The following SGCZ variants were observed in gnomAD, a reference collection of about 807,000 sequenced individuals.
The protein encoded by SGCZ is zeta-sarcoglycan.
A neutral mutation model predicts 41.3 loss-of-function variants in SGCZ; 40 were observed. That is an observed-to-expected ratio of 0.97 (90% CI 0.75 to 1.26). The LOEUF (loss-of-function observed/expected upper bound fraction) is 1.26. Ranked by LOEUF, SGCZ falls within the 50% of genes most tolerant of loss-of-function variation. The pLI, the probability that SGCZ is intolerant of heterozygous loss-of-function variation, is 0.00. For missense variants in SGCZ, 552 were observed against 369.8 expected (o/e 1.49, Z -4.04); for synonymous variants, 206 against 137.5 (o/e 1.50, Z -3.49).
intron 1 of SGCZ, among the ~76,000 whole-genome samples, chr8:14,905,210 C>A (rs967278931): frequency 6.6e-6 from 1 of 151,910 alleles, no homozygotes. Context: ...ATATAACAAA[C>A]ACTTCCTTAA....
At chr8:15,154,941 T>C (rs148020432) in intron 1 of SGCZ, among the ~76,000 whole-genome samples, 2 of 152,092 alleles carry the variant, frequency 1.3e-5, no homozygotes, top group African/African-American at 2.4e-5. Context: ...AACAACAATA[T>C]ATTGTATAAT....
chr8:14,717,310 G>C, intron 1 of SGCZ, among the ~76,000 whole-genome samples: 1 of 152,022 alleles, frequency 6.6e-6, no homozygotes, highest in East Asian at 1.9e-4. Context: ...CCTGTGTTAA[G>C]GTACAATACC....
rs1176101909 is a variant in SGCZ at position 14,948,483 on chromosome 8, AG to A, written c.39+289101del. 4.8e-3 allele frequency among the ~76,000 whole-genome samples: 731 copies of A among 152,164 alleles called. 12 individuals are homozygous for A. Among genetic ancestry groups the A allele is most frequent in the African/African-American group, 0.017 (707 of 41,554 alleles). ...CTGTCTTATCTTATGAGAGAGAGAGAGAGAGAGAGGTCTCCGCTAGATCAAA... is the reference window on the plus strand; with the variant it reads ...CTGTCTTATCTTATGAGAGAGAGAGAAGAGAGAGGTCTCCGCTAGATCAAA... On this transcript the variant is annotated intron_variant, in intron 1 of 7. Coordinates refer to ENST00000382080, the MANE Select transcript of SGCZ (RefSeq NM_139167.4).
At chr8:14,635,735 C>T (rs1806805860) in intron 1 of SGCZ, among the ~76,000 whole-genome samples, 1 of 151,642 alleles carries the variant, frequency 6.6e-6, no homozygotes, top group Non-Finnish European at 1.5e-5. Flanking sequence ...GCAATGGGTT[C>T]AGTACTATCT....
At position 14,832,277 on chromosome 8, in the gene SGCZ, G is replaced by C. The variant is rs192708293; in HGVS notation, c.40-277351C>G. Among the ~76,000 whole-genome samples, 4 of 152,142 alleles carry C rather than the reference G, an allele frequency of 2.6e-5. No homozygotes were observed. The East Asian group carries it at 7.7e-4, about 29-fold the overall frequency. On this transcript the variant is annotated intron_variant, in intron 1 of 7. Coordinates refer to ENST00000382080, the MANE Select transcript of SGCZ (RefSeq NM_139167.4). ...TAACTATCAATAAAGCTATTATGTG[G>C]TTGACCATGAACTTTAAATATATTG...
Position 14,954,617 on chromosome 8 carries a change from G to C in SGCZ, c.39+282968C>G, listed in dbSNP as rs565471153. On this transcript the variant is annotated intron_variant, in intron 1 of 7. Coordinates refer to ENST00000382080, the MANE Select transcript of SGCZ (RefSeq NM_139167.4). ...TTGATGGAGCAAGGGACCCAAAGAA[G>C]AGGTAAGGGGCAATGGGCAGCTTCC... 5.3e-5 allele frequency among the ~76,000 whole-genome samples: 8 copies of C among 152,230 alleles called. No homozygotes were observed. The South Asian group carries it at 1.0e-3, about 20-fold the overall frequency.
At chr8:15,186,648 G>C (rs1388966803) in intron 1 of SGCZ, among the ~76,000 whole-genome samples, 3 of 152,120 alleles carry the variant, frequency 2.0e-5, no homozygotes. Flanking sequence ...GAAACATTCT[G>C]TACTTCACAA....
At chr8:14,479,822 T>A (rs1801482978) in intron 2 of SGCZ, among the ~76,000 whole-genome samples, 1 of 147,836 alleles carries the variant, frequency 6.8e-6, no homozygotes, top group Non-Finnish European at 1.5e-5. Flanking sequence ...CTCGGCTCAC[T>A]GCAACCTCCG....
At chr8:14,499,170 A>G (rs1244680914) in intron 2 of SGCZ, among the ~76,000 whole-genome samples, 1 of 151,976 alleles carries the variant, frequency 6.6e-6, no homozygotes, top group Non-Finnish European at 1.5e-5. Context: ...AAATCTAATT[A>G]TAGCCATGGA....
At chr8:14,207,824 A>G (rs1205094305) in intron 4 of SGCZ, among the ~76,000 whole-genome samples, 3 of 152,192 alleles carry the variant, frequency 2.0e-5, no homozygotes, top group African/African-American at 4.8e-5. Flanking sequence ...AGCAAAGCTC[A>G]TATCATTTTG....
chr8:14,349,568 C>A (rs147758294), intron 2 of SGCZ, among the ~76,000 whole-genome samples: 1 of 152,024 alleles, frequency 6.6e-6, no homozygotes, highest in Non-Finnish European at 1.5e-5. Context: ...CCATCTCCAA[C>A]ATTGGGGGTA....
intron 3 of SGCZ, among the ~76,000 whole-genome samples, chr8:14,298,272 T>G (rs1260454684): frequency 6.6e-6 from 1 of 152,002 alleles, no homozygotes; most frequent in African/African-American, 2.4e-5. Context: ...TAGAAAAGAC[T>G]AAAATTTCCT....
At position 14,442,963 on chromosome 8, in the gene SGCZ, C is replaced by G. The variant is rs1800316151; in HGVS notation, c.234+111769G>C. Among the ~76,000 whole-genome samples the G allele has an allele frequency of 2.6e-5, 4 of 152,122 alleles. 1 individual carries two copies. The highest frequency in any genetic ancestry group is 2.6e-4 in the Admixed American group (4 of 15,260). ...AGCTGATAAGCAACTTCAGCAAAGT[C>G]TCAGGATACAAAATCAATGTACAAA... On this transcript the variant is annotated intron_variant, in intron 2 of 7. Transcript: ENST00000382080.
In SGCZ at chr8:14,240,346, A is replaced by G. The variant is rs895213706; in HGVS notation, c.337-2667T>C. Among the ~76,000 whole-genome samples, 32 of 148,820 alleles carry G rather than the reference A, an allele frequency of 2.2e-4. 1 individual carries two copies. Among genetic ancestry groups the G allele is most frequent in the Non-Finnish European group, 4.3e-4 (29 of 67,580 alleles). On this transcript the variant is annotated intron_variant, in intron 3 of 7. Coordinates refer to ENST00000382080, the MANE Select transcript of SGCZ (RefSeq NM_139167.4). ...CTGTGTCAAAAAAAAAAAAAAAAAA[A>G]AAAAAAAAAGAACTGAAAGTTTAAA...
chr8:14,785,846 T>C (rs1158275619), intron 1 of SGCZ, among the ~76,000 whole-genome samples: 1 of 151,994 alleles, frequency 6.6e-6, no homozygotes, highest in Non-Finnish European at 1.5e-5. Context: ...TTTCACAGAG[T>C]TTCTTACTTT....
At chr8:14,566,884 G>T (rs952735548) in intron 1 of SGCZ, among the ~76,000 whole-genome samples, 3 of 152,204 alleles carry the variant, frequency 2.0e-5, no homozygotes, top group Non-Finnish European at 4.4e-5. Flanking sequence ...CGAGTTCCAG[G>T]TGGGCGGCTG....
chr8:14,511,281 A>G (rs1802461106), intron 2 of SGCZ, among the ~76,000 whole-genome samples: 2 of 152,056 alleles, frequency 1.3e-5, no homozygotes, highest in Non-Finnish European at 1.5e-5. Context: ...ATTTAATAAT[A>G]AAAATTGTCT....
intron 1 of SGCZ, among the ~76,000 whole-genome samples, chr8:15,037,354 G>C (rs915176615): frequency 1.2e-4 from 19 of 152,144 alleles, no homozygotes; most frequent in African/African-American, 4.6e-4. Context: ...GGATACATTT[G>C]CTTCCCCTTC....
In SGCZ at chr8:14,087,578, T is replaced by A. The variant is rs73213890; in HGVS notation, c.*2865A>T. Among the ~76,000 whole-genome samples, 12,141 of 151,700 alleles carry A rather than the reference T, an allele frequency of 0.08. 557 individuals are homozygous for A. The highest frequency in any genetic ancestry group is 0.09 in the African/African-American group (3,716 of 41,442). On this transcript the variant is annotated 3_prime_UTR_variant, in exon 8 of 8. Transcript: ENST00000382080. Reference sequence around the variant, plus strand: ...TGTAGTACACTATAAAGGACTCATTTTTCTCAGTGTCATTTGGGGAAGATG... The same window carrying A: ...TGTAGTACACTATAAAGGACTCATTATTCTCAGTGTCATTTGGGGAAGATG...
Sources: allele counts gnomAD v4.1 joint callset (sites outside exome capture counted in the v4.1 genomes callset), GRCh38; gene constraint gnomAD v4.1.1; transcripts MANE v1.5; gene names NCBI Gene and HGNC (gene_info 2026-07-23, HGNC 2026-07-21).